Variants in IFT81 observed in about 807,000 individuals in gnomAD.
The protein encoded by IFT81 is intraflagellar transport protein 81 homolog.
A neutral mutation model predicts 102.6 loss-of-function variants in IFT81; 72 were observed. The observed-to-expected ratio is 0.70, with a 90% CI of 0.58 to 0.85. The LOEUF (loss-of-function observed/expected upper bound fraction) is 0.85, where lower values mean the gene tolerates loss of function less well. Ranked by LOEUF, IFT81 falls within the 40% of genes least tolerant of loss-of-function variation. The pLI is 0.00. For synonymous variants in IFT81, 237 were observed against 242.7 expected (o/e 0.98, Z 0.22); for missense variants, 723 against 787.3 (o/e 0.92, Z 0.98).
chr12:110,125,680 C>T (rs1355866778), intron 1 of IFT81, among the ~76,000 whole-genome samples: 4 of 152,216 alleles, frequency 2.6e-5, no homozygotes, highest in Non-Finnish European at 1.5e-5. Flanking sequence ...CAGGAGAGAA[C>T]GACAGCTCCC....
At chr12:110,137,419 G>A (rs1894585911) in intron 8 of IFT81, among the ~76,000 whole-genome samples, 1 of 152,096 alleles carries the variant, frequency 6.6e-6, no homozygotes, top group Non-Finnish European at 1.5e-5. Flanking sequence ...GAGGGAGGCT[G>A]TCTGGTTTGT....
intron 14 of IFT81, among the ~76,000 whole-genome samples, chr12:110,197,240 G>A (rs1325376655): frequency 7.4e-6 from 1 of 134,690 alleles, no homozygotes; most frequent in African/African-American, 2.7e-5. Flanking sequence ...AAGTAGATAG[G>A]TAGGTAGGTA....
intron 10 of IFT81, among the ~76,000 whole-genome samples, chr12:110,154,070 G>A (rs540589958): frequency 9.2e-4 from 139 of 151,520 alleles, no homozygotes; most frequent in African/African-American, 3.1e-3. Flanking sequence ...GGCAACCTCC[G>A]CCTCCTGGGA....
chr12:110,150,896 T>C (rs1895488978), intron 10 of IFT81, among the ~76,000 whole-genome samples: 1 of 152,190 alleles, frequency 6.6e-6, no homozygotes, highest in Non-Finnish European at 1.5e-5. Context: ...ATCTCACTTC[T>C]TAGGGAAAGA....
intron 14 of IFT81, among the ~76,000 whole-genome samples, chr12:110,199,082 T>TA (rs1399647047): frequency 6.6e-6 from 1 of 152,210 alleles, no homozygotes. Context: ...GTGCTGGGAT[T>TA]ATAGGCATGA....
At chr12:110,132,735 A>G (rs1409521729) in intron 5 of IFT81, 99 bp downstream of exon 5, 2 of 589,680 alleles carry the variant, frequency 3.4e-6, no homozygotes, top group Non-Finnish European at 6.0e-6. Flanking sequence ...CTATATGGAG[A>G]CTAGTGATAG....
intron 18 of IFT81, among the ~76,000 whole-genome samples, chr12:110,211,579 T>C (rs1869444799): frequency 6.6e-6 from 1 of 152,194 alleles, no homozygotes; most frequent in Non-Finnish European, 1.5e-5. Flanking sequence ...AAACATACCA[T>C]ATTCCTCCGA....
intron 11 of IFT81, among the ~76,000 whole-genome samples, chr12:110,165,238 A>G (rs748862107): frequency 2.6e-5 from 4 of 152,236 alleles, no homozygotes; most frequent in African/African-American, 9.6e-5. Context: ...ATCGGGGAAC[A>G]TTAAGCATAA....
intron 6 of IFT81, 25 bp from the exon 7 acceptor site, chr12:110,135,302 T>C (rs1226223341): frequency 7.0e-7 from 1 of 1,428,106 alleles, no homozygotes; most frequent in Admixed American, 2.0e-5. Context: ...GACAGTAACA[T>C]GTACTACTTA....
chr12:110,168,309 C>T (rs1341350827), intron 11 of IFT81: 1 of 158,020 alleles, frequency 6.3e-6, no homozygotes. Context: ...TTGCACATGA[C>T]AGAAAGCTGG....
At chr12:110,148,299 T>C (rs1895334312) in intron 10 of IFT81, among the ~76,000 whole-genome samples, 1 of 152,114 alleles carries the variant, frequency 6.6e-6, no homozygotes, top group Non-Finnish European at 1.5e-5. Context: ...ACAGATCTGG[T>C]TTGATTTTTT....
intron 11 of IFT81, among the ~76,000 whole-genome samples, chr12:110,164,809 A>G (rs892922505): frequency 8.5e-5 from 13 of 152,210 alleles, no homozygotes; most frequent in Admixed American, 7.2e-4. Context: ...GCTTCATGAC[A>G]TCTTTGCTGT....
chr12:110,183,834 G>T (rs900994609), intron 12 of IFT81, among the ~76,000 whole-genome samples: 1 of 152,114 alleles, frequency 6.6e-6, no homozygotes, highest in Non-Finnish European at 1.5e-5. Flanking sequence ...GGTCTATCCA[G>T]ATACCCCCAT....
At chr12:110,170,136 G>A (rs1896667660) in intron 11 of IFT81, among the ~76,000 whole-genome samples, 1 of 151,858 alleles carries the variant, frequency 6.6e-6, no homozygotes, top group Non-Finnish European at 1.5e-5. Flanking sequence ...TGTATTTTTA[G>A]TAGAGATGGG....
chr12:110,171,909 C>G (rs11065287), intron 11 of IFT81: 1 of 151,978 alleles, frequency 6.6e-6, no homozygotes, highest in African/African-American at 2.4e-5. Context: ...TATCTCATCT[C>G]GTGCCTAACT....
Position 110,136,818 on chromosome 12 carries a change from CT to C in IFT81, c.740del (p.Leu247ArgfsTer16), listed in dbSNP as rs1894540701. 1 of 1,612,664 alleles carries C rather than the reference CT, an allele frequency of 6.2e-7. No homozygotes were observed. The highest frequency in any genetic ancestry group is 1.1e-5 in the South Asian group (1 of 90,926). ...AAGATTGCAAAGAGTACAAAACCAG[CT>C]GAAAAGCATGCGCCAAGCTGCAGCA... ...VQRLQRVQNQ[L>X]KSMRQAAADA... On this transcript the variant is annotated frameshift_variant, in exon 8 of 19. Transcript: ENST00000242591. LOFTEE classifies it high-confidence loss of function.
At chr12:110,195,324 G>C (rs1338282503) in intron 14 of IFT81, among the ~76,000 whole-genome samples, 4 of 152,010 alleles carry the variant, frequency 2.6e-5, no homozygotes, top group Non-Finnish European at 5.9e-5. Context: ...CCCACTGTGA[G>C]AAGTCATGAA....
chr12:110,167,505 C>A (rs2137458978), intron 11 of IFT81, among the ~76,000 whole-genome samples: 1 of 152,234 alleles, frequency 6.6e-6, no homozygotes, highest in Middle Eastern at 3.4e-3. Flanking sequence ...TTACACCCTG[C>A]TAACATAACT....
chr12:110,178,040 A>G (rs1448508549), intron 11 of IFT81, among the ~76,000 whole-genome samples: 1 of 151,962 alleles, frequency 6.6e-6, no homozygotes, highest in Non-Finnish European at 1.5e-5. Flanking sequence ...GGCTGCAGTG[A>G]GCCAAGATTG....
Sources: allele counts gnomAD v4.1 joint callset (sites outside exome capture counted in the v4.1 genomes callset), GRCh38; gene constraint gnomAD v4.1.1; transcripts MANE v1.5; gene names NCBI Gene and HGNC (gene_info 2026-07-23, HGNC 2026-07-21).